The following ACBD5 variants were observed in gnomAD, a reference collection of about 807,000 sequenced individuals.
The protein encoded by ACBD5 is acyl-CoA-binding domain-containing protein 5.
ACBD5 carries 40 observed loss-of-function variants against 71.8 expected under a neutral mutation model. That is an observed-to-expected ratio of 0.56 (90% CI 0.43 to 0.72). The LOEUF is 0.72. ACBD5 is among the 30% of genes least tolerant of loss of function. The pLI is 0.00. For synonymous variants in ACBD5, 229 were observed against 218.6 expected (o/e 1.05, Z -0.42); for missense variants, 559 against 644.5 (o/e 0.87, Z 1.44).
At chr10:27,217,197 T>G (rs12763511) in intron 7 of ACBD5, among the ~76,000 whole-genome samples, 25,977 of 145,756 alleles carry the variant, frequency 0.18, 2,762 homozygotes, top group East Asian at 0.29. Context: ...GCCTCACACC[T>G]GTAATTCCAG....
rs751088838 is a variant in ACBD5, at chr10:27,240,720, C to T, written c.-32G>A. 1.7e-4 allele frequency: 262 copies of T among 1,550,274 alleles called. 1 individual carries two copies. The highest frequency in any genetic ancestry group is 3.3e-4 in the Middle Eastern group (2 of 6,014). ...CAGAAGACAGAGGGGGTCCGGGCATCGGTGGCCGCGGAGCCGCTCTCCCAC... is the reference window on the plus strand; with the variant it reads ...CAGAAGACAGAGGGGGTCCGGGCATTGGTGGCCGCGGAGCCGCTCTCCCAC... On this transcript the variant is annotated 5_prime_UTR_variant, in exon 1 of 13. Transcript: ENST00000396271. The surrounding 1 kb of genome is among the most constrained non-coding windows in gnomAD (Gnocchi z 4.1).
rs2062612104 is a variant in ACBD5, at chr10:27,223,405, A to C, written c.423T>G (p.Arg141=). 8 of 1,613,772 alleles carry C rather than the reference A, an allele frequency of 5.0e-6. No individual in the cohort carries two copies. The South Asian group carries it at 8.8e-5, about 18-fold the overall frequency. Residue 141 remains arginine, a synonymous_variant, in exon 5 of 13, where the codon CGT becomes CGG. Coordinates refer to ENST00000396271, the MANE Select transcript of ACBD5 (RefSeq NM_145698.5). ...PMTEKVEELL[R]VIGPFYEIVE... ...CAATTTCATAAAATGGACCTATGACACGCAGCAATTCTTCAACTTTCTCAG... is the reference window on the plus strand; with the variant it reads ...CAATTTCATAAAATGGACCTATGACCCGCAGCAATTCTTCAACTTTCTCAG...
intron 4 of ACBD5, among the ~76,000 whole-genome samples, chr10:27,227,009 A>ATTTTTTTTT (rs56406048): frequency 1.8e-4 from 14 of 78,402 alleles, no homozygotes; most frequent in East Asian, 7.4e-4. Context: ...TTTTTTTGCG[A>ATTTTTTTTT]TTTTTTTTTT....
At chr10:27,205,287 T>C in intron 10 of ACBD5, 39 bp from the exon 11 acceptor site, 2 of 1,583,878 alleles carry the variant, frequency 1.3e-6, no homozygotes, top group Non-Finnish European at 1.7e-6. Flanking sequence ...CTTGAAAAAA[T>C]GAAAAACACA....
intron 4 of ACBD5, among the ~76,000 whole-genome samples, chr10:27,223,739 C>G (rs1304718415): frequency 2.0e-5 from 3 of 151,880 alleles, no homozygotes; most frequent in Non-Finnish European, 4.4e-5. Context: ...GACCCTGTCT[C>G]TTAAAAATTT....
At chr10:27,190,760 A>C (rs547273820), downstream of ACBD5, among the ~76,000 whole-genome samples, 2 of 152,334 alleles carry the variant, frequency 1.3e-5, no homozygotes, top group Admixed American at 1.3e-4. Context: ...TGAAGGAAGG[A>C]GACTGAATAA....
Position 27,195,263 on chromosome 10 carries a change from AAAG to A in ACBD5, c.*2164_*2166del, listed in dbSNP as rs2059281961. ...TTAACTTAGTTTTACAATAAACAGA[AAAG>A]AAGTTATCATTAAAAAAATACCATA... On this transcript the variant is annotated 3_prime_UTR_variant, in exon 13 of 13. Coordinates refer to ENST00000396271, the MANE Select transcript of ACBD5 (RefSeq NM_145698.5). The A allele has an allele frequency of 2.4e-6, 1 of 424,838 alleles. No individual in the cohort carries two copies. The highest frequency in any genetic ancestry group is 1.7e-5 in the South Asian group (1 of 58,012). The allele number at this position is 424,838 out of a possible 1,614,324, so 26.3% of individuals were successfully genotyped here.
intron 13 of ACBD5, among the ~76,000 whole-genome samples, chr10:27,185,342 A>T (rs1037338127): frequency 6.6e-6 from 1 of 152,144 alleles, no homozygotes; most frequent in Non-Finnish European, 1.5e-5. Flanking sequence ...CTTTAACAAG[A>T]TGCAGGCAGG....
intron 9 of ACBD5, among the ~76,000 whole-genome samples, chr10:27,209,480 G>A (rs560190795): frequency 2.6e-5 from 4 of 152,066 alleles, no homozygotes; most frequent in South Asian, 2.1e-4. Flanking sequence ...ATGCCACTAC[G>A]CCCGGCTAAT....
chr10:27,208,924 G>A (rs565359667), intron 9 of ACBD5, among the ~76,000 whole-genome samples: 19 of 152,224 alleles, frequency 1.2e-4, no homozygotes, highest in African/African-American at 4.1e-4. Context: ...AAATTGATTT[G>A]TAAACTTCTA....
intron 8 of ACBD5, among the ~76,000 whole-genome samples, chr10:27,212,004 A>AACACATT (rs2061133935): frequency 6.6e-6 from 1 of 152,068 alleles, no homozygotes; most frequent in Non-Finnish European, 1.5e-5. Flanking sequence ...AAACAGAGAG[A>AACACATT]AGGCCAGGGT....
downstream of ACBD5, among the ~76,000 whole-genome samples, chr10:27,192,891 C>T (rs184745093): frequency 8.4e-4 from 128 of 151,824 alleles, no homozygotes; most frequent in Non-Finnish European, 1.4e-3. Context: ...ATTGCTTGAA[C>T]CCAGGAGATG....
chr10:27,187,871 A>G (rs755036608), intron 13 of ACBD5, among the ~76,000 whole-genome samples: 4 of 152,346 alleles, frequency 2.6e-5, no homozygotes, highest in Admixed American at 1.3e-4. Flanking sequence ...TATTTAAAAC[A>G]TGCAACATTA....
chr10:27,204,571 G>A, intron 11 of ACBD5, 22 bp from the exon 12 acceptor site: 1 of 1,551,604 alleles, frequency 6.4e-7, no homozygotes. Context: ...CAATAAGCTT[G>A]TCACCAATCT....
intron 10 of ACBD5, among the ~76,000 whole-genome samples, chr10:27,205,770 T>C (rs788207): frequency 1.3e-5 from 2 of 151,608 alleles, no homozygotes; most frequent in South Asian, 4.2e-4. Flanking sequence ...CCTCAGGTGA[T>C]CCACCCACCT....
chr10:27,184,018 G>T (rs560034112), intron 13 of ACBD5, among the ~76,000 whole-genome samples: 1 of 152,128 alleles, frequency 6.6e-6, no homozygotes, highest in South Asian at 2.1e-4. Flanking sequence ...GGCCCAGTTT[G>T]TTTACTCACT....
In ACBD5 at chr10:27,210,736, C is replaced by T. The variant is rs1265622369; in HGVS notation, c.1204+78G>A. 2.6e-5 allele frequency: 42 copies of T among 1,592,270 alleles called. No homozygotes were observed. In the East Asian group the frequency reaches 6.5e-4, roughly 25 times the overall value. ...TTGCACCACCGCACACCAGCCTGGGCGACAGAGCGCGAGACTCCATCTCAA... is the reference window on the plus strand; with the variant it reads ...TTGCACCACCGCACACCAGCCTGGGTGACAGAGCGCGAGACTCCATCTCAA... On this transcript the variant is annotated intron_variant, in intron 9 of 12. Transcript: ENST00000396271.
intron 8 of ACBD5, among the ~76,000 whole-genome samples, chr10:27,213,103 T>C (rs2061276524): frequency 6.6e-6 from 1 of 151,970 alleles, no homozygotes; most frequent in Non-Finnish European, 1.5e-5. Context: ...AATATAGCTG[T>C]CAAAACCACC....
chr10:27,215,949 A>ACAGCAACCTCCGCCTCC (rs1175435115), intron 7 of ACBD5, among the ~76,000 whole-genome samples: 1 of 151,914 alleles, frequency 6.6e-6, no homozygotes, highest in African/African-American at 2.4e-5. Context: ...ATCTCGGCTC[A>ACAGCAACCTCCGCCTCC]CAGCAACCTC....
Sources: allele counts gnomAD v4.1 joint callset (sites outside exome capture counted in the v4.1 genomes callset), GRCh38; gene constraint gnomAD v4.1.1; non-coding constraint Gnocchi (gnomAD v3.1); transcripts MANE v1.5; gene names NCBI Gene and HGNC (gene_info 2026-07-23, HGNC 2026-07-21).